Variants in NPTN observed in about 807,000 individuals in gnomAD.
NPTN encodes neuroplastin, also known as SDR-1.
In NPTN, 5 loss-of-function variants were observed where a neutral mutation model predicts 42.7. The observed-to-expected ratio is 0.12, with a 90% CI of 0.06 to 0.25. NPTN has a LOEUF of 0.25. NPTN is among the 10% of genes least tolerant of loss of function. The pLI, the probability that NPTN is intolerant of heterozygous loss-of-function variation, is 1.00. For synonymous variants in NPTN, 180 were observed against 201.9 expected (o/e 0.89, Z 0.92); for missense variants, 307 against 525.4 (o/e 0.58, Z 4.06).
intron 1 of NPTN, among the ~76,000 whole-genome samples, chr15:73,608,996 C>T (rs528959937): frequency 6.6e-6 from 1 of 152,124 alleles, no homozygotes; most frequent in Non-Finnish European, 1.5e-5. Context: ...GAATCATCAG[C>T]TTATGGACGT....
chr15:73,563,927 C>A (rs1894834368), intron 6 of NPTN, among the ~76,000 whole-genome samples: 1 of 152,176 alleles, frequency 6.6e-6, no homozygotes, highest in South Asian at 2.1e-4. Flanking sequence ...GTGGTGACAT[C>A]CCTCTAGAAA....
chr15:73,586,492 G>T (rs1201640091), intron 4 of NPTN, among the ~76,000 whole-genome samples: 1 of 152,216 alleles, frequency 6.6e-6, no homozygotes, highest in Non-Finnish European at 1.5e-5. Context: ...CAACTCACAA[G>T]TTCAGGGCTG....
At chr15:73,588,571 G>A (rs1357508672) in intron 3 of NPTN, among the ~76,000 whole-genome samples, 1 of 152,056 alleles carries the variant, frequency 6.6e-6, no homozygotes, top group Non-Finnish European at 1.5e-5. Context: ...CAGATCTTCT[G>A]GTCTCTCTTC....
At chr15:73,586,641 TCTC>T (rs1335264664) in intron 4 of NPTN, among the ~76,000 whole-genome samples, 2 of 152,210 alleles carry the variant, frequency 1.3e-5, no homozygotes, top group East Asian at 3.8e-4. Context: ...GGCCCTTCCT[TCTC>T]CTAAATTTGT....
rs569152506 is a variant in NPTN, at chr15:73,575,717, T to C, written c.707-1922A>G. ...CACCTTTGACTGGCTTGGTTTTTCT[T>C]GGCTTAAAAACAATGCAAAGTCCTA... On this transcript the variant is annotated intron_variant, in intron 4 of 8. Transcript: ENST00000345330. Among the ~76,000 whole-genome samples the C allele has an allele frequency of 7.2e-5, 11 of 152,322 alleles. No homozygotes were observed. In the East Asian group the frequency reaches 1.9e-3, roughly 27 times the overall value.
intron 3 of NPTN, among the ~76,000 whole-genome samples, chr15:73,588,104 G>A (rs1896408908): frequency 6.6e-6 from 1 of 152,150 alleles, no homozygotes; most frequent in African/African-American, 2.4e-5. Context: ...GCCGGGTGTG[G>A]TGGCACATGC....
chr15:73,576,755 C>T (rs748854752), intron 4 of NPTN, among the ~76,000 whole-genome samples: 1 of 152,152 alleles, frequency 6.6e-6, no homozygotes, highest in South Asian at 2.1e-4. Flanking sequence ...TTTTAACAGT[C>T]TTATCTGAGA....
chr15:73,633,010 A>T (rs1898845237), intron 1 of NPTN, 115 bp downstream of exon 1: 1 of 715,518 alleles, frequency 1.4e-6, no homozygotes, highest in Middle Eastern at 4.4e-4. Flanking sequence ...AGCCCCTCAG[A>T]CGCCCACTCG....
intron 8 of NPTN, among the ~76,000 whole-genome samples, chr15:73,561,318 ATAG>A (rs1314892450): frequency 6.6e-6 from 1 of 152,214 alleles, no homozygotes; most frequent in East Asian, 1.9e-4. Flanking sequence ...TAAAGATATA[ATAG>A]TAGTGAAAAG....
intron 2 of NPTN, among the ~76,000 whole-genome samples, chr15:73,592,965 T>C (rs1350340357): frequency 6.6e-6 from 1 of 152,168 alleles, no homozygotes; most frequent in African/African-American, 2.4e-5. Flanking sequence ...AGGCCGTAAG[T>C]ATTACTAATG....
chr15:73,608,995 G>T (rs1402266603), intron 1 of NPTN, among the ~76,000 whole-genome samples: 1 of 152,176 alleles, frequency 6.6e-6, no homozygotes, highest in African/African-American at 2.4e-5. Flanking sequence ...GGAATCATCA[G>T]CTTATGGACG....
rs116529323 is a variant in NPTN at position 73,585,969 on chromosome 15, C to A, written c.706+1555G>T. Among the ~76,000 whole-genome samples, 12 of 152,342 alleles carry A rather than the reference C, an allele frequency of 7.9e-5. No homozygotes were observed. In the South Asian group the frequency reaches 2.3e-3, roughly 29 times the overall value. On this transcript the variant is annotated intron_variant, in intron 4 of 8. Coordinates refer to ENST00000345330, the MANE Select transcript of NPTN (RefSeq NM_012428.4). ...GAAAGATGCCTCTAGGGCCACTAAA[C>A]CCCACCTTCGTAAGCAGCCAAACAA...
At chr15:73,579,980 T>C (rs1202129492) in intron 4 of NPTN, among the ~76,000 whole-genome samples, 1 of 152,202 alleles carries the variant, frequency 6.6e-6, no homozygotes, top group African/African-American at 2.4e-5. Flanking sequence ...TTTATGCCAC[T>C]AAGTTTTGGG....
chr15:73,620,885 A>T (rs1315827911), intron 1 of NPTN, among the ~76,000 whole-genome samples: 1 of 152,202 alleles, frequency 6.6e-6, no homozygotes, highest in Non-Finnish European at 1.5e-5. Context: ...GGCTACTTCA[A>T]TGTCTTTCTG....
At chr15:73,576,690 G>A (rs1276268399) in intron 4 of NPTN, among the ~76,000 whole-genome samples, 1 of 152,132 alleles carries the variant, frequency 6.6e-6, no homozygotes, top group Non-Finnish European at 1.5e-5. Flanking sequence ...AAGAGGAGAG[G>A]AATTTGCCCA....
chr15:73,625,245 T>C lies in NPTN; in HGVS notation c.91+7880A>G, dbSNP rs1898338009. Among the ~76,000 whole-genome samples the C allele has an allele frequency of 4.6e-5, 7 of 152,370 alleles. No individual in the cohort carries two copies. The South Asian group carries it at 1.4e-3, about 32-fold the overall frequency. On this transcript the variant is annotated intron_variant, in intron 1 of 8. Transcript: ENST00000345330. ...TCACACAGATTAATAATAGGTAATG[T>C]TTCACAAGATATTACATATTTGTGT... is the stretch of plus-strand genomic sequence containing the variant.
rs770131038 is a variant in NPTN, at chr15:73,594,951, T to TAAA, written c.439+2068_439+2070dup. 3.4e-3 allele frequency among the ~76,000 whole-genome samples: 438 copies of TAAA among 128,896 alleles called. 1 individual carries two copies. Among genetic ancestry groups the TAAA allele is most frequent in the African/African-American group, 0.012 (415 of 35,258 alleles). The allele number at this position is 128,896 out of a possible 152,430, so 84.6% of individuals were successfully genotyped here. ...AATTAGAGTTGGATCCAGGGTGTTT[T>TAAA]AAAAAAAAAAAAAAAAAAGCAGCAG... On this transcript the variant is annotated intron_variant, in intron 2 of 8. Coordinates refer to ENST00000345330, the MANE Select transcript of NPTN (RefSeq NM_012428.4).
intron 6 of NPTN, chr15:73,567,549 G>A (rs1019427710): frequency 6.1e-6 from 6 of 985,234 alleles, no homozygotes; most frequent in Non-Finnish European, 7.2e-6. Context: ...CCTATGGAGT[G>A]CACAGGGGTT....
intron 1 of NPTN, among the ~76,000 whole-genome samples, chr15:73,598,101 A>G (rs1032526071): frequency 6.6e-6 from 1 of 152,136 alleles, no homozygotes; most frequent in Admixed American, 6.5e-5. Flanking sequence ...TGTACTTCAC[A>G]CCACAGTGAG....
Sources: allele counts gnomAD v4.1 joint callset (sites outside exome capture counted in the v4.1 genomes callset), GRCh38; gene constraint gnomAD v4.1.1; transcripts MANE v1.5; gene names NCBI Gene and HGNC (gene_info 2026-07-23, HGNC 2026-07-21).